The following ASAP1 variants were observed in gnomAD, a reference collection of about 807,000 sequenced individuals.
The protein encoded by ASAP1 is ArfGAP with SH3 domain, ankyrin repeat and PH domain 1.
ASAP1 carries 43 observed loss-of-function variants against 145.2 expected under a neutral mutation model. The ratio of observed to expected loss-of-function variants is 0.30; its 90% CI spans 0.23 to 0.38. The LOEUF (loss-of-function observed/expected upper bound fraction) is 0.38. Among genes scored for constraint, ASAP1 ranks in the 10% least tolerant of loss-of-function variants. The probability of loss-of-function intolerance (pLI) is 1.00; values close to 1 mark genes in which losing one functional copy is unlikely to be tolerated. For missense variants in ASAP1, 1,018 were observed against 1,355.3 expected (o/e 0.75, Z 3.91); for synonymous variants, 546 against 515.5 (o/e 1.06, Z -0.80).
At chr8:130,284,356 A>C (rs1252033678) in intron 3 of ASAP1, among the ~76,000 whole-genome samples, 1 of 152,208 alleles carries the variant, frequency 6.6e-6, no homozygotes, top group African/African-American at 2.4e-5. Context: ...AAATGGATTC[A>C]AGTGACTATA....
At chr8:130,275,260 C>A (rs141160705) in intron 3 of ASAP1, among the ~76,000 whole-genome samples, 1 of 152,336 alleles carries the variant, frequency 6.6e-6, no homozygotes, top group Non-Finnish European at 1.5e-5. Flanking sequence ...CTGGCCCTAA[C>A]AGAAAGAAGT....
intron 28 of ASAP1, 95 bp downstream of exon 28, chr8:130,060,484 T>A: frequency 6.8e-7 from 1 of 1,472,330 alleles, no homozygotes; most frequent in Non-Finnish European, 9.1e-7. Context: ...GAGCAAGCTC[T>A]CACTTTTTCT....
chr8:130,146,110 G>C (rs1460611169), intron 13 of ASAP1, among the ~76,000 whole-genome samples: 2 of 151,398 alleles, frequency 1.3e-5, no homozygotes, highest in African/African-American at 4.9e-5. Context: ...CAAAGTGCTG[G>C]GTTTACAGGT....
At position 130,176,898 on chromosome 8, in the gene ASAP1, C is replaced by G. The variant is rs534456363; in HGVS notation, c.746+2366G>C. 5.9e-5 allele frequency among the ~76,000 whole-genome samples: 9 copies of G among 152,246 alleles called. No homozygotes were observed. The South Asian group carries it at 1.9e-3, about 32-fold the overall frequency. On this transcript the variant is annotated intron_variant, in intron 9 of 29. Transcript: ENST00000518721. ...AGAAACGGGGTTTTGCCATGTTGGT[C>G]AGGCTGGTGTTGAACTCCTGTAATC...
At chr8:130,281,733 T>C (rs1425193443) in intron 3 of ASAP1, among the ~76,000 whole-genome samples, 3 of 152,236 alleles carry the variant, frequency 2.0e-5, no homozygotes, top group African/African-American at 4.8e-5. Flanking sequence ...CTGCATCTTA[T>C]ATTACATTGG....
intron 27 of ASAP1, among the ~76,000 whole-genome samples, chr8:130,074,674 G>A (rs369595615): frequency 4.5e-4 from 69 of 152,304 alleles, no homozygotes; most frequent in African/African-American, 1.5e-3. Context: ...TTAGGACCAC[G>A]GCCACCATGC....
intron 2 of ASAP1, among the ~76,000 whole-genome samples, chr8:130,381,424 C>T (rs557538826): frequency 6.6e-6 from 1 of 151,270 alleles, no homozygotes; most frequent in Non-Finnish European, 1.5e-5. Flanking sequence ...CAGAGTTTTT[C>T]ATACAAAGTC....
At chr8:130,382,601 C>T (rs1320925314) in intron 2 of ASAP1, among the ~76,000 whole-genome samples, 1 of 152,236 alleles carries the variant, frequency 6.6e-6, no homozygotes, top group African/African-American at 2.4e-5. Flanking sequence ...AATCCCAGCA[C>T]TTTGGGAAAC....
At chr8:130,185,898 CAG>C (rs1016342114) in intron 7 of ASAP1, among the ~76,000 whole-genome samples, 5 of 152,012 alleles carry the variant, frequency 3.3e-5, no homozygotes, top group African/African-American at 7.2e-5. Context: ...CTTCAGCCAA[CAG>C]AGATTTAAAA....
intron 4 of ASAP1, among the ~76,000 whole-genome samples, chr8:130,221,765 T>A (rs541858671): frequency 4.6e-5 from 7 of 152,318 alleles, no homozygotes; most frequent in Middle Eastern, 3.4e-3. Flanking sequence ...ATACTCCATA[T>A]CCTAAAGTAG....
intron 3 of ASAP1, among the ~76,000 whole-genome samples, chr8:130,241,169 C>T (rs1586664021): frequency 1.3e-5 from 2 of 152,092 alleles, no homozygotes; most frequent in East Asian, 1.9e-4. Context: ...TTCCCCAAAG[C>T]TCTCTGGATG....
intron 5 of ASAP1, among the ~76,000 whole-genome samples, chr8:130,199,576 T>C (rs1488382310): frequency 6.6e-6 from 1 of 152,202 alleles, no homozygotes; most frequent in Admixed American, 6.5e-5. Context: ...GGAGACCTGT[T>C]CTAGACTTGA....
intron 3 of ASAP1, among the ~76,000 whole-genome samples, chr8:130,288,475 A>AG (rs1821755319): frequency 6.6e-6 from 1 of 152,224 alleles, no homozygotes; most frequent in Non-Finnish European, 1.5e-5. Context: ...TCCTACCTGC[A>AG]GCTGTGCATT....
intron 15 of ASAP1, 43 bp from the exon 16 acceptor site, chr8:130,128,133 A>G (rs778817052): frequency 7.8e-6 from 4 of 510,916 alleles, no homozygotes; most frequent in South Asian, 1.3e-4. Flanking sequence ...TTATAAGAGC[A>G]TGGTCATTTT....
chr8:130,192,958 A>C (rs771725463), intron 5 of ASAP1, among the ~76,000 whole-genome samples: 7 of 152,228 alleles, frequency 4.6e-5, no homozygotes, highest in Non-Finnish European at 1.0e-4. Flanking sequence ...GAGTTTCTAA[A>C]CAACAGCCAA....
intron 3 of ASAP1, among the ~76,000 whole-genome samples, chr8:130,330,040 T>C (rs1181217321): frequency 6.6e-6 from 1 of 152,186 alleles, no homozygotes; most frequent in Admixed American, 6.5e-5. Context: ...AATTCCTCAA[T>C]TTGTCAAACA....
intron 27 of ASAP1, among the ~76,000 whole-genome samples, chr8:130,074,237 T>G (rs1266019651): frequency 6.6e-6 from 1 of 152,088 alleles, no homozygotes; most frequent in Non-Finnish European, 1.5e-5. Flanking sequence ...TAGAATTGCG[T>G]ATGTATGAAA....
intron 4 of ASAP1, among the ~76,000 whole-genome samples, chr8:130,227,946 A>G (rs2136570288): frequency 2.0e-5 from 3 of 152,298 alleles, no homozygotes; most frequent in Non-Finnish European, 4.4e-5. Context: ...GTCTGAGGGA[A>G]GGGCAACAGC....
At chr8:130,098,676 C>G (rs1332647591) in intron 24 of ASAP1, among the ~76,000 whole-genome samples, 1 of 152,068 alleles carries the variant, frequency 6.6e-6, no homozygotes, top group Non-Finnish European at 1.5e-5. Flanking sequence ...CACAATTGTA[C>G]ATATTTATAG....
Sources: allele counts gnomAD v4.1 joint callset (sites outside exome capture counted in the v4.1 genomes callset), GRCh38; gene constraint gnomAD v4.1.1; transcripts MANE v1.5; gene names NCBI Gene and HGNC (gene_info 2026-07-23, HGNC 2026-07-21).